The following CDH18 variants were observed in gnomAD, a reference collection of about 807,000 sequenced individuals.
CDH18 encodes the protein cadherin-18.
A neutral mutation model predicts 67.9 loss-of-function variants in CDH18; 31 were observed. The ratio of observed to expected loss-of-function variants is 0.46; its 90% CI spans 0.34 to 0.62. The LOEUF (loss-of-function observed/expected upper bound fraction) is 0.62. CDH18 is among the 20% of genes least tolerant of loss of function. The pLI is 0.01. For missense variants in CDH18, 890 were observed against 975.5 expected, an observed-to-expected ratio of 0.91 and a Z score of 1.17; for synonymous variants, 362 against 347.2, an observed-to-expected ratio of 1.04 and a Z score of -0.48.
At chr5:19,534,871 A>T (rs781548198) in intron 9 of CDH18, among the ~76,000 whole-genome samples, 17 of 151,616 alleles carry the variant, frequency 1.1e-4, no homozygotes, top group East Asian at 3.9e-4. Context: ...TGGATAACTC[A>T]CTCTGAGTTG....
chr5:19,871,034 G>A (rs1408437419), intron 2 of CDH18, among the ~76,000 whole-genome samples: 1 of 151,972 alleles, frequency 6.6e-6, no homozygotes, highest in East Asian at 1.9e-4. Flanking sequence ...TCTCATCTAA[G>A]CTTTATAATA....
intron 2 of CDH18, among the ~76,000 whole-genome samples, chr5:20,164,401 C>G (rs1736130052): frequency 6.6e-6 from 1 of 152,130 alleles, no homozygotes; most frequent in Admixed American, 6.5e-5. Context: ...ACTCTCCTGC[C>G]TCAGCCTCCC....
At chr5:20,055,390 T>C (rs1008901053) in intron 2 of CDH18, among the ~76,000 whole-genome samples, 6 of 152,208 alleles carry the variant, frequency 3.9e-5, no homozygotes, top group South Asian at 2.1e-4. Flanking sequence ...AGTTGGATAG[T>C]TTTTATTGTG....
At chr5:19,940,616 G>A (rs1794717970) in intron 2 of CDH18, among the ~76,000 whole-genome samples, 1 of 151,840 alleles carries the variant, frequency 6.6e-6, no homozygotes. Flanking sequence ...GACCTTTGTT[G>A]AAATTTTCAC....
intron 2 of CDH18, among the ~76,000 whole-genome samples, chr5:20,033,340 A>C (rs1739564612): frequency 6.6e-6 from 1 of 152,050 alleles, no homozygotes; most frequent in Admixed American, 6.6e-5. Flanking sequence ...AAGGACAGGT[A>C]TGACCCTTAT....
chr5:20,242,571 T>C (rs1286878811), intron 2 of CDH18, among the ~76,000 whole-genome samples: 1 of 135,114 alleles, frequency 7.4e-6, no homozygotes, highest in Non-Finnish European at 1.6e-5. Flanking sequence ...TTAAGGCTGA[T>C]TCTAGGTTTT....
chr5:20,213,047 T>C (rs181188371), intron 2 of CDH18, among the ~76,000 whole-genome samples: 3 of 152,286 alleles, frequency 2.0e-5, no homozygotes, highest in Admixed American at 2.0e-4. Context: ...GCTTTCAACA[T>C]GTGTGTTTCA....
chr5:20,183,327 G>T (rs572734882), intron 2 of CDH18, among the ~76,000 whole-genome samples: 6 of 151,866 alleles, frequency 4.0e-5, no homozygotes, highest in Non-Finnish European at 7.4e-5. Flanking sequence ...TAATTATTCC[G>T]TGTAATGTGT....
At chr5:20,341,148 G>C (rs578029766) in intron 1 of CDH18, among the ~76,000 whole-genome samples, 10 of 152,158 alleles carry the variant, frequency 6.6e-5, no homozygotes, top group Non-Finnish European at 1.3e-4. Flanking sequence ...GTGTCAACTT[G>C]ATTGGATTGA....
chr5:19,628,406 C>T (rs1751880056), intron 5 of CDH18, among the ~76,000 whole-genome samples: 1 of 151,904 alleles, frequency 6.6e-6, no homozygotes, highest in Non-Finnish European at 1.5e-5. Context: ...TTGAAAGTTG[C>T]TTTGGGAATA....
chr5:19,790,809 A>T (rs1776278811), intron 3 of CDH18, among the ~76,000 whole-genome samples: 1 of 152,130 alleles, frequency 6.6e-6, no homozygotes. Flanking sequence ...CAGGTGAAAA[A>T]TGATGGCAAA....
chr5:19,587,439 C>A (rs1744351022), intron 7 of CDH18, among the ~76,000 whole-genome samples: 1 of 152,012 alleles, frequency 6.6e-6, no homozygotes, highest in Non-Finnish European at 1.5e-5. Flanking sequence ...ACATTTAAGT[C>A]TTTAATGCAT....
At chr5:20,500,224 G>A (rs1754175378) in intron 1 of CDH18, among the ~76,000 whole-genome samples, 2 of 152,058 alleles carry the variant, frequency 1.3e-5, no homozygotes, top group South Asian at 2.1e-4. Context: ...TAAATTGCTG[G>A]TGCTATTTTC....
intron 5 of CDH18, among the ~76,000 whole-genome samples, chr5:19,627,387 GC>G (rs777604383): frequency 8.6e-4 from 131 of 152,282 alleles, no homozygotes; most frequent in South Asian, 3.1e-3. Context: ...CAATACCTAA[GC>G]CAGAACAAAA....
rs148928410 is a variant in CDH18, at chr5:20,573,351, T to G, written c.-580+2111A>C. ...CACACACAATACTATTAGAATTACG[T>G]TTTTTTTTAATTGCATATAAGCCAA... On this transcript the variant is annotated intron_variant, in intron 1 of 14. Coordinates refer to the CDH18 transcript ENST00000507958. Among the ~76,000 whole-genome samples the G allele has an allele frequency of 2.5e-3, 383 of 150,732 alleles. 1 individual carries two copies. The highest frequency in any genetic ancestry group is 8.9e-3 in the African/African-American group (366 of 41,252).
intron 1 of CDH18, among the ~76,000 whole-genome samples, chr5:20,574,099 T>A (rs1451546945): frequency 6.6e-6 from 1 of 151,532 alleles, no homozygotes; most frequent in Non-Finnish European, 1.5e-5. Context: ...CTGATACGAT[T>A]ATATCAATAG....
chr5:20,092,116 A>G (rs968901587), intron 2 of CDH18, among the ~76,000 whole-genome samples: 1 of 152,178 alleles, frequency 6.6e-6, no homozygotes. Context: ...GCAACAGTGT[A>G]AAATACCTCA....
At chr5:19,787,494 T>C (rs1461227463) in intron 3 of CDH18, among the ~76,000 whole-genome samples, 2 of 152,068 alleles carry the variant, frequency 1.3e-5, no homozygotes, top group African/African-American at 4.8e-5. Context: ...CTTTTAATCT[T>C]TTAATATAAA....
At chr5:19,611,014 C>T (rs1394915867) in intron 6 of CDH18, among the ~76,000 whole-genome samples, 1 of 152,050 alleles carries the variant, frequency 6.6e-6, no homozygotes, top group Non-Finnish European at 1.5e-5. Flanking sequence ...TAATAATAAT[C>T]TTTTAATAAT....
Sources: gnomAD v4.1 joint callset for allele counts (sites outside exome capture counted in the v4.1 genomes callset) on GRCh38, gnomAD v4.1.1 for gene constraint, MANE v1.5 for transcripts, NCBI Gene and HGNC (gene_info 2026-07-23, HGNC 2026-07-21) for gene names.